TRIM37: variants seen among roughly 807,000 people sequenced by gnomAD.
The protein encoded by TRIM37 is E3 ubiquitin-protein ligase TRIM37.
Under a neutral mutation model 129.8 loss-of-function variants are expected in TRIM37, and 80 were observed. That is an observed-to-expected ratio of 0.62 (90% CI 0.51 to 0.74). TRIM37 has a LOEUF of 0.74. TRIM37 is among the 30% of genes least tolerant of loss of function. The pLI, the probability that TRIM37 is intolerant of heterozygous loss-of-function variation, is 0.00. For synonymous variants in TRIM37, 389 were observed against 387.1 expected (o/e 1.00, Z -0.06); for missense variants, 1,054 against 1,176.5 (o/e 0.90, Z 1.52).
chr17:59,096,951 C>T (rs139761100), intron 2 of TRIM37, among the ~76,000 whole-genome samples: 2 of 152,014 alleles, frequency 1.3e-5, no homozygotes, highest in Admixed American at 1.3e-4. Context: ...GGATTTATTC[C>T]TAGAATAGAA....
At chr17:59,049,736 G>A (rs567786085) in intron 14 of TRIM37, among the ~76,000 whole-genome samples, 7 of 152,224 alleles carry the variant, frequency 4.6e-5, no homozygotes, top group African/African-American at 1.7e-4. Context: ...GGGCTCAAAT[G>A]TTCCTCTGGC....
In TRIM37 at chr17:59,061,074, G is replaced by A; in HGVS notation, c.977C>T (p.Ser326Phe). The change falls in exon 12 of 24, where the codon TCT becomes TTT. Residue 326 changes from serine (S) to phenylalanine (F), a missense_variant. Coordinates refer to ENST00000262294, the MANE Select transcript of TRIM37 (RefSeq NM_015294.6). ...GCCAGCTGAGAGCTCCAGAAACACAGATAAGTAGTAACCTCGCACAACTCC... is the reference window on the plus strand; with the variant it reads ...GCCAGCTGAGAGCTCCAGAAACACAAATAAGTAGTAACCTCGCACAACTCC... ...GNGVVRGYYL[S>F]VFLELSAGLP... The A allele has an allele frequency of 6.2e-7, 1 of 1,613,632 alleles. No homozygotes were observed. The highest frequency in any genetic ancestry group is 2.2e-5 in the East Asian group (1 of 44,780).
chr17:59,051,369 G>T, intron 13 of TRIM37, 41 bp from the exon 14 acceptor site: 1 of 1,388,072 alleles, frequency 7.2e-7, no homozygotes. Flanking sequence ...AATTCAAATA[G>T]TAAAACATTA....
chr17:59,019,888 C>T (rs780221728), intron 19 of TRIM37, among the ~76,000 whole-genome samples: 2 of 151,932 alleles, frequency 1.3e-5, no homozygotes, highest in Non-Finnish European at 2.9e-5. Context: ...AAAATGATGA[C>T]CAATTTCTCC....
At chr17:59,056,715 C>CAAAA (rs2040928347) in intron 13 of TRIM37, among the ~76,000 whole-genome samples, 160 bp downstream of exon 13, 2 of 3,926 alleles carry the variant, frequency 5.1e-4, no homozygotes, top group Non-Finnish European at 1.1e-3. Flanking sequence ...GACTATGTCT[C>CAAAA]CAAAAAAAAA....
At chr17:58,981,856 A>G (rs1191016061), downstream of TRIM37, 4 of 152,616 alleles carry the variant, frequency 2.6e-5, no homozygotes, top group Non-Finnish European at 4.4e-5. Flanking sequence ...CAGGAATAAA[A>G]CTGCTTTAAC....
chr17:59,002,074 T>A (rs904773414), intron 22 of TRIM37, among the ~76,000 whole-genome samples: 6 of 152,184 alleles, frequency 3.9e-5, no homozygotes, highest in African/African-American at 1.4e-4. Context: ...TTAATCCTGA[T>A]TCATTATAGA....
intron 24 of TRIM37, chr17:58,984,236 C>G (rs2031582350): frequency 6.6e-6 from 1 of 152,494 alleles, no homozygotes; most frequent in African/African-American, 2.4e-5. Context: ...TAATTTTGAC[C>G]ACATTTATAG....
chr17:59,013,820 G>GCC (rs1567973265), intron 21 of TRIM37, among the ~76,000 whole-genome samples: 1 of 151,920 alleles, frequency 6.6e-6, no homozygotes, highest in Non-Finnish European at 1.5e-5. Flanking sequence ...GTGCCACTGT[G>GCC]CCCAGCCTTT....
Position 59,075,709 on chromosome 17 carries a change from T to A in TRIM37, c.622A>T (p.Lys208Ter). Residue 208 changes from lysine (K) to a stop codon, truncating the protein, a stop_gained, in exon 8 of 24, where the codon AAG (lysine) becomes TAG (stop). Transcript: ENST00000262294. LOFTEE classifies it high-confidence loss of function. ...TCTGTTTCTTGGGTTAGAGATGTCT[T>A]CTGACCTGATGAAAAATAGTGAATC... ...KNKLITLMGQ[K>*]TSLTQETELL... 1 of 1,609,904 alleles carries A rather than the reference T, an allele frequency of 6.2e-7. No individual in the cohort carries two copies. The highest frequency in any genetic ancestry group is 8.5e-7 in the Non-Finnish European group (1 of 1,177,900).
intron 2 of TRIM37, among the ~76,000 whole-genome samples, chr17:59,098,668 TAAAAAAAAAA>T (rs57583644): frequency 9.6e-6 from 1 of 103,762 alleles, no homozygotes; most frequent in African/African-American, 3.7e-5. Flanking sequence ...CTGTCTCATT[TAAAAAAAAAA>T]AAAAAAAAAG....
intron 7 of TRIM37, 131 bp downstream of exon 7, chr17:59,079,622 TA>T: frequency 8.6e-7 from 1 of 1,156,652 alleles, no homozygotes; most frequent in Non-Finnish European, 1.3e-6. Flanking sequence ...TTTATCTGTC[TA>T]AATTGTAACA....
intron 8 of TRIM37, among the ~76,000 whole-genome samples, chr17:59,075,379 T>C (rs2042720540): frequency 6.6e-6 from 1 of 151,688 alleles, no homozygotes; most frequent in South Asian, 2.1e-4. Context: ...CCAGCTAACA[T>C]GGTGAAACCC....
chr17:59,037,121 C>CAA (rs1187138130), intron 17 of TRIM37, among the ~76,000 whole-genome samples: 1 of 150,686 alleles, frequency 6.6e-6, no homozygotes, highest in Non-Finnish European at 1.5e-5. Context: ...TCTCAAAAAA[C>CAA]AAAACAAAAC....
intron 3 of TRIM37, among the ~76,000 whole-genome samples, chr17:59,089,857 CGGGAGGT>C (rs2044129740): frequency 6.6e-6 from 1 of 151,954 alleles, no homozygotes; most frequent in Non-Finnish European, 1.5e-5. Context: ...CCTAGCACTT[CGGGAGGT>C]CAAGGTGGTA....
intron 16 of TRIM37, among the ~76,000 whole-genome samples, chr17:59,045,470 T>C (rs56297715): frequency 0.35 from 52,764 of 150,414 alleles, 9,816 homozygotes; most frequent in East Asian, 0.53. Flanking sequence ...AAACCTCGTC[T>C]CTACTAAAAA....
intron 14 of TRIM37, among the ~76,000 whole-genome samples, chr17:59,049,895 T>C (rs2040178997): frequency 6.6e-6 from 1 of 152,220 alleles, no homozygotes; most frequent in Non-Finnish European, 1.5e-5. Context: ...TCATCCTCCT[T>C]CTTTCATATC....
chr17:59,061,223 G>A, intron 11 of TRIM37, 115 bp from the exon 12 acceptor site: 5 of 789,230 alleles, frequency 6.3e-6, no homozygotes, highest in South Asian at 1.6e-5. Context: ...AGCAATGGAA[G>A]AAATAATTAA....
chr17:59,046,787 G>A lies in TRIM37; in HGVS notation c.1667+896C>T, dbSNP rs1422351757. Among the ~76,000 whole-genome samples, 10 of 150,216 alleles carry A rather than the reference G, an allele frequency of 6.7e-5. No homozygotes were observed. The East Asian group carries it at 1.0e-3, about 16-fold the overall frequency. ...GATCTCCTGACCTCGTGATCCACCC[G>A]CCTCAGCCTCCCAGAGTGCTGGGAT... On this transcript the variant is annotated intron_variant, in intron 16 of 23. Coordinates refer to ENST00000262294, the MANE Select transcript of TRIM37 (RefSeq NM_015294.6).
Sources: gnomAD v4.1 joint callset for allele counts (sites outside exome capture counted in the v4.1 genomes callset) on GRCh38, gnomAD v4.1.1 for gene constraint, MANE v1.5 for transcripts, NCBI Gene and HGNC (gene_info 2026-07-23, HGNC 2026-07-21) for gene names.